Variants in ADAMTS2 observed in about 807,000 individuals in gnomAD.
The protein encoded by ADAMTS2 is A disintegrin and metalloproteinase with thrombospondin motifs 2.
ADAMTS2 carries 50 observed loss-of-function variants against 123.0 expected under a neutral mutation model. That is an observed-to-expected ratio of 0.41 (90% CI 0.32 to 0.51). The LOEUF (loss-of-function observed/expected upper bound fraction) is 0.51. Among genes scored for constraint, ADAMTS2 ranks in the 20% least tolerant of loss-of-function variants. The probability of loss-of-function intolerance (pLI) is 0.35; values close to 1 mark genes in which losing one functional copy is unlikely to be tolerated. For missense variants in ADAMTS2, 1,494 were observed against 1,705.2 expected, an observed-to-expected ratio of 0.88 and a Z score of 2.18; for synonymous variants, 678 against 695.4, an observed-to-expected ratio of 0.98 and a Z score of 0.39.
intron 12 of ADAMTS2, 108 bp downstream of exon 12, chr5:179,137,661 G>A (rs1763088121): frequency 4.1e-6 from 6 of 1,445,850 alleles, no homozygotes; most frequent in Non-Finnish European, 5.6e-6. Flanking sequence ...TGCCAGCCCA[G>A]GGTCGCGGCA....
At chr5:179,150,152 A>G (rs531430602) in intron 10 of ADAMTS2, among the ~76,000 whole-genome samples, 2 of 140,606 alleles carry the variant, frequency 1.4e-5, no homozygotes, top group East Asian at 4.1e-4. Flanking sequence ...TCCCTGAACC[A>G]GCATGCCTGT....
rs1763359163 is a variant in ADAMTS2 at position 179,151,711 on chromosome 5, G to GCT, written c.1629+430_1629+431insAG. On this transcript the variant is annotated intron_variant, in intron 10 of 21. Transcript: ENST00000251582. ...AAGTGGGCCTGGGGCAGCCATCAAG[G>GCT]GACCTCGAAGGACAGTGTGCCCAAC... Among the ~76,000 whole-genome samples, 5 of 152,210 alleles carry GCT rather than the reference G, an allele frequency of 3.3e-5. No homozygotes were observed. In the South Asian group the frequency reaches 6.2e-4, roughly 19 times the overall value.
At position 179,189,472 on chromosome 5, in the gene ADAMTS2, C is replaced by T. The variant is rs187186181; in HGVS notation, c.892-8317G>A. Among the ~76,000 whole-genome samples the T allele has an allele frequency of 5.9e-4, 86 of 145,940 alleles. No individual in the cohort carries two copies. The East Asian group carries it at 7.0e-3, about 12-fold the overall frequency. Reference sequence around the variant, plus strand: ...ATGCCATTCTCTTGCCTCAGCCTCCCGAGTAGCTGGGGCTACAGGCGCCCG... The same window carrying T: ...ATGCCATTCTCTTGCCTCAGCCTCCTGAGTAGCTGGGGCTACAGGCGCCCG... On this transcript the variant is annotated intron_variant, in intron 4 of 21. Transcript: ENST00000251582. The surrounding 1 kb of genome is among the most constrained non-coding windows in gnomAD (Gnocchi z 4.2).
chr5:179,304,023 G>A (rs1276441788), intron 2 of ADAMTS2, among the ~76,000 whole-genome samples: 2 of 152,184 alleles, frequency 1.3e-5, no homozygotes, highest in Non-Finnish European at 2.9e-5. Flanking sequence ...ACACGCCATA[G>A]GTTCTGGGGA....
intron 3 of ADAMTS2, among the ~76,000 whole-genome samples, chr5:179,211,882 G>A (rs1030198578): frequency 6.6e-6 from 1 of 152,146 alleles, no homozygotes; most frequent in African/African-American, 2.4e-5. Flanking sequence ...CAATCCCCTC[G>A]CCAAGGTGGA....
chr5:179,157,486 G>A (rs189068709), intron 6 of ADAMTS2, among the ~76,000 whole-genome samples: 183 of 151,442 alleles, frequency 1.2e-3, no homozygotes, highest in African/African-American at 4.1e-3. Flanking sequence ...TATTAGGTGC[G>A]TCTTGATATT....
rs947361721 is a variant in ADAMTS2 at position 179,128,538 on chromosome 5, G to A, written c.2458-420C>T. Among the ~76,000 whole-genome samples the A allele has an allele frequency of 1.4e-4, 22 of 152,020 alleles. No individual in the cohort carries two copies. The highest frequency in any genetic ancestry group is 4.2e-4 in the South Asian group (2 of 4,810). Reference sequence around the variant, plus strand: ...CTCCTGAGTAGCTGGGATTACAGGCGCCCGCCACCACGCCTGGCTAATTTT... The same window carrying A: ...CTCCTGAGTAGCTGGGATTACAGGCACCCGCCACCACGCCTGGCTAATTTT... On this transcript the variant is annotated intron_variant, in intron 16 of 21. Coordinates refer to ENST00000251582, the MANE Select transcript of ADAMTS2 (RefSeq NM_014244.5). This position sits in a 1 kb window ranked among gnomAD's most constrained non-coding sequence, Gnocchi z 4.9.
chr5:179,208,974 A>C (rs575338625), intron 3 of ADAMTS2, among the ~76,000 whole-genome samples: 2 of 152,272 alleles, frequency 1.3e-5, no homozygotes, highest in Admixed American at 6.5e-5. Context: ...CTCTACAAAG[A>C]GTCTTCCAGA....
intron 2 of ADAMTS2, among the ~76,000 whole-genome samples, chr5:179,324,192 C>T (rs1409568994): frequency 1.3e-5 from 2 of 152,146 alleles, no homozygotes; most frequent in African/African-American, 2.4e-5. Flanking sequence ...TTTTCAGAGT[C>T]TTGAACATGA....
rs577737589 is a variant in ADAMTS2, at chr5:179,162,219, C to T, written c.976-3340G>A. On this transcript the variant is annotated intron_variant, in intron 5 of 21. Transcript: ENST00000251582. This position sits in a 1 kb window ranked among gnomAD's most constrained non-coding sequence, Gnocchi z 5.1. Reference sequence around the variant, plus strand: ...CCCTTGTTTCCCTTTCGTGAAACTTCCCCTCCTTTAATCTGAGTCAGACCC... The same window carrying T: ...CCCTTGTTTCCCTTTCGTGAAACTTTCCCTCCTTTAATCTGAGTCAGACCC... 1.3e-5 allele frequency among the ~76,000 whole-genome samples: 2 copies of T among 152,166 alleles called. No individual in the cohort carries two copies. The highest frequency in any genetic ancestry group is 4.8e-5 in the African/African-American group (2 of 41,444).
intron 2 of ADAMTS2, among the ~76,000 whole-genome samples, chr5:179,340,907 C>G (rs559718594): frequency 6.6e-6 from 1 of 152,354 alleles, no homozygotes; most frequent in African/African-American, 2.4e-5. Flanking sequence ...GAAAACTCTT[C>G]CGCAGCAACG....
intron 18 of ADAMTS2, 146 bp from the exon 19 acceptor site, chr5:179,125,326 TCTCA>T (rs979418573): frequency 4.4e-5 from 31 of 707,558 alleles, no homozygotes; most frequent in Admixed American, 8.6e-5. Flanking sequence ...CTTCTCTTAT[TCTCA>T]CTAAGATGCT....
In ADAMTS2 at chr5:179,132,294, A is replaced by T. The variant is rs768906337; in HGVS notation, c.2226T>A (p.Phe742Leu). 1.9e-6 allele frequency: 3 copies of T among 1,614,182 alleles called. No homozygotes were observed. In the Admixed American group the frequency reaches 5.0e-5, roughly 27 times the overall value. The stretch of plus-strand genomic sequence containing the variant: ...GGTGTCTGGCTCCTGCAGGGATCTC[A>T]AACATCTTGATGTAACCTTTTTTTG... ...SPKKHGYIKM[F>L]EIPAGARHLL... The change falls in exon 15 of 22, where the codon TTT becomes TTA. Residue 742 changes from phenylalanine (F) to leucine (L), a missense_variant. Coordinates refer to ENST00000251582, the MANE Select transcript of ADAMTS2 (RefSeq NM_014244.5). This position sits in a 1 kb window ranked among gnomAD's most constrained non-coding sequence, Gnocchi z 6.1.
chr5:179,121,642 T>C lies in ADAMTS2; in HGVS notation c.3178+19A>G. The C allele has an allele frequency of 4.4e-6, 7 of 1,591,088 alleles. No individual in the cohort carries two copies. Among genetic ancestry groups the C allele is most frequent in the Non-Finnish European group, 6.0e-6 (7 of 1,166,826 alleles). ...CATGCACTGGAGGGCAGAGGCAGAG[T>C]TATAAACGGGTCGGTTACTTGACGA... is the stretch of plus-strand genomic sequence containing the variant. On this transcript the variant is annotated intron_variant, in intron 21 of 21. Coordinates refer to ENST00000251582, the MANE Select transcript of ADAMTS2 (RefSeq NM_014244.5).
rs375463371 is a variant in ADAMTS2, at chr5:179,114,158, G to A, written c.3345C>T (p.Asp1115=). 6.2e-6 allele frequency: 10 copies of A among 1,612,644 alleles called. No individual in the cohort carries two copies. The African/African-American group carries it at 1.1e-4, about 17-fold the overall frequency. ...RIEPPPGKHN[D]IDVFMPTLPV... ...GGAGGGTAGGCATGAACACGTCAATGTCGTTGTGCTTCCCAGGCGGTGGCT... is the reference window on the plus strand; with the variant it reads ...GGAGGGTAGGCATGAACACGTCAATATCGTTGTGCTTCCCAGGCGGTGGCT... The change falls in exon 22 of 22, where the codon GAC becomes GAT. Residue 1115 remains aspartate, a synonymous_variant. Coordinates refer to ENST00000251582, the MANE Select transcript of ADAMTS2 (RefSeq NM_014244.5).
In ADAMTS2 at chr5:179,130,066, AG is replaced by A; in HGVS notation, c.2322del (p.Leu775Ter). ...AVKNLETGKFILNEENDVDAS... is the reference protein window; with the variant it reads ...AVKNLETGKFXLNEENDVDAS... ...GCATCCACGTCATTCTCTTCATTTA[AG>A]ATGAACTTGCCTGTCTCCAGGTTCT... On this transcript the variant is annotated frameshift_variant, in exon 16 of 22. Coordinates refer to ENST00000251582, the MANE Select transcript of ADAMTS2 (RefSeq NM_014244.5). LOFTEE classifies it high-confidence loss of function. The surrounding 1 kb of genome is among the most constrained non-coding windows in gnomAD (Gnocchi z 4.3). 6.2e-7 allele frequency: 1 copy of A among 1,614,166 alleles called. No individual in the cohort carries two copies. The highest frequency in any genetic ancestry group is 8.5e-7 in the Non-Finnish European group (1 of 1,180,050).
intron 4 of ADAMTS2, among the ~76,000 whole-genome samples, chr5:179,201,764 T>C (rs1044176856): frequency 3.6e-4 from 55 of 152,050 alleles, no homozygotes; most frequent in African/African-American, 1.3e-3. Context: ...ATCACACCAC[T>C]GTACTCCAGC....
chr5:179,300,378 T>C (rs1756482586), intron 2 of ADAMTS2, among the ~76,000 whole-genome samples: 1 of 152,234 alleles, frequency 6.6e-6, no homozygotes, highest in African/African-American at 2.4e-5. Flanking sequence ...ATAATGACCA[T>C]ATGTTTTGTA....
intron 10 of ADAMTS2, among the ~76,000 whole-genome samples, chr5:179,140,429 A>C (rs935922443): frequency 5.9e-5 from 9 of 152,236 alleles, no homozygotes; most frequent in African/African-American, 2.2e-4. Flanking sequence ...AGGTTTATTT[A>C]AGCAAAAAAG....
Sources: gnomAD v4.1 joint callset for allele counts (sites outside exome capture counted in the v4.1 genomes callset) on GRCh38, gnomAD v4.1.1 for gene constraint, Gnocchi (gnomAD v3.1) non-coding constraint, MANE v1.5 for transcripts, NCBI Gene and HGNC (gene_info 2026-07-23, HGNC 2026-07-21) for gene names.